Variants in ADAMTS2 observed in about 807,000 individuals in gnomAD.
The protein encoded by ADAMTS2 is A disintegrin and metalloproteinase with thrombospondin motifs 2.
A neutral mutation model predicts 123.0 loss-of-function variants in ADAMTS2; 50 were observed. That is an observed-to-expected ratio of 0.41 (90% CI 0.32 to 0.51). The LOEUF (loss-of-function observed/expected upper bound fraction) is 0.51, where lower values mean the gene tolerates loss of function less well. ADAMTS2 is among the 20% of genes least tolerant of loss of function. ADAMTS2 has a pLI of 0.35. For missense variants in ADAMTS2, 1,494 were observed against 1,705.2 expected (o/e 0.88, Z 2.18); for synonymous variants, 678 against 695.4 (o/e 0.98, Z 0.39).
At chr5:179,165,388 T>C (rs929635739) in intron 5 of ADAMTS2, among the ~76,000 whole-genome samples, 3 of 152,206 alleles carry the variant, frequency 2.0e-5, no homozygotes, top group Non-Finnish European at 4.4e-5. Context: ...GAGGAGTCTT[T>C]CACCAGCTCG....
intron 5 of ADAMTS2, among the ~76,000 whole-genome samples, chr5:179,179,379 A>C (rs1432182744): frequency 1.3e-5 from 2 of 152,120 alleles, no homozygotes; most frequent in African/African-American, 2.4e-5. Context: ...TAGCTGTATA[A>C]AATTCACAAT....
At chr5:179,219,620 A>C (rs1765079315) in intron 3 of ADAMTS2, among the ~76,000 whole-genome samples, 2 of 152,194 alleles carry the variant, frequency 1.3e-5, no homozygotes, top group African/African-American at 4.8e-5. Context: ...GGTGCCCAGC[A>C]GAGGTGTGAG....
chr5:179,136,893 C>T (rs1325454061), intron 12 of ADAMTS2, among the ~76,000 whole-genome samples: 2 of 151,946 alleles, frequency 1.3e-5, no homozygotes, highest in Non-Finnish European at 2.9e-5. Flanking sequence ...TAGCTTGAAC[C>T]TGGGAGGCAG....
Position 179,113,662 on chromosome 5 carries a change from T to C in ADAMTS2, c.*205A>G, listed in dbSNP as rs1044812021. The C allele has an allele frequency of 1.6e-5, 10 of 611,546 alleles. No homozygotes were observed. The African/African-American group carries it at 1.8e-4, about 11-fold the overall frequency. The allele number at this position is 611,546 out of a possible 1,614,324, so 37.9% of individuals were successfully genotyped here. ...CACCTGACGCCACCACAGTATTTGG[T>C]CGCTCCTGGGCTGGGAAGCACACGT... On this transcript the variant is annotated 3_prime_UTR_variant, in exon 22 of 22. Transcript: ENST00000251582.
intron 3 of ADAMTS2, among the ~76,000 whole-genome samples, chr5:179,221,513 G>A (rs985288320): frequency 1.3e-5 from 2 of 152,176 alleles, no homozygotes; most frequent in African/African-American, 4.8e-5. Flanking sequence ...CAAGGAGCAG[G>A]AGTGACCGAG....
rs116152382 is a variant in ADAMTS2 at position 179,152,570 on chromosome 5, G to A, written c.1516-315C>T. 3.4e-3 allele frequency among the ~76,000 whole-genome samples: 523 copies of A among 152,272 alleles called. 5 individuals are homozygous for A. The highest frequency in any genetic ancestry group is 0.011 in the African/African-American group (477 of 41,574). The stretch of plus-strand genomic sequence containing the variant: ...GGTGGGCACCTGCTGACCCTTTGCC[G>A]TGGATTTCCCTCCTAAACCCTGGCG... On this transcript the variant is annotated intron_variant, in intron 9 of 21. Transcript: ENST00000251582.
At position 179,307,875 on chromosome 5, in the gene ADAMTS2, T is replaced by C. The variant is rs982088351; in HGVS notation, c.535-34811A>G. 6.6e-6 allele frequency among the ~76,000 whole-genome samples: 1 copy of C among 152,204 alleles called. No individual in the cohort carries two copies. The highest frequency in any genetic ancestry group is 2.4e-5 in the African/African-American group (1 of 41,454). ...ACACTGCCATCCTGTCCTATTTTTTTGTAACACCATTTCCCAATCATCGAC... is the reference window on the plus strand; with the variant it reads ...ACACTGCCATCCTGTCCTATTTTTTCGTAACACCATTTCCCAATCATCGAC... On this transcript the variant is annotated intron_variant, in intron 2 of 21. Coordinates refer to ENST00000251582, the MANE Select transcript of ADAMTS2 (RefSeq NM_014244.5). This position sits in a 1 kb window ranked among gnomAD's most constrained non-coding sequence, Gnocchi z 5.6.
intron 2 of ADAMTS2, among the ~76,000 whole-genome samples, chr5:179,326,497 A>G (rs1383854170): frequency 2.7e-4 from 1 of 3,750 alleles, no homozygotes. Flanking sequence ...CCCGCCCCCC[A>G]CTCCCATGCC....
At position 179,329,124 on chromosome 5, in the gene ADAMTS2, G is replaced by A. The variant is rs537600879; in HGVS notation, c.534+14643C>T. Among the ~76,000 whole-genome samples the A allele has an allele frequency of 2.4e-3, 361 of 152,148 alleles. 2 individuals are homozygous for A. Among genetic ancestry groups the A allele is most frequent in the East Asian group, 3.3e-3 (17 of 5,162 alleles). On this transcript the variant is annotated intron_variant, in intron 2 of 21. Transcript: ENST00000251582. ...GGGCGGATCACGAGGTCAGGAGATGGAGACCATCCTGGCTAACACGGTGAA... is the reference window on the plus strand; with the variant it reads ...GGGCGGATCACGAGGTCAGGAGATGAAGACCATCCTGGCTAACACGGTGAA...
intron 11 of ADAMTS2, among the ~76,000 whole-genome samples, chr5:179,138,280 G>C (rs910358815): frequency 2.0e-5 from 3 of 152,202 alleles, no homozygotes; most frequent in Non-Finnish European, 4.4e-5. Flanking sequence ...ACAGGAAGCT[G>C]TGATTGGGTG....
intron 3 of ADAMTS2, among the ~76,000 whole-genome samples, chr5:179,258,069 G>A (rs965282526): frequency 2.0e-5 from 3 of 152,064 alleles, no homozygotes; most frequent in Non-Finnish European, 2.9e-5. Context: ...CTGACCCCCA[G>A]GCTCCAGGCA....
rs543445882 is a variant in ADAMTS2 at position 179,142,303 on chromosome 5, C to T, written c.1630-2268G>A. 7.2e-4 allele frequency among the ~76,000 whole-genome samples: 109 copies of T among 152,280 alleles called. 1 individual carries two copies. The highest frequency in any genetic ancestry group is 3.7e-3 in the South Asian group (18 of 4,824). On this transcript the variant is annotated intron_variant, in intron 10 of 21. Coordinates refer to ENST00000251582, the MANE Select transcript of ADAMTS2 (RefSeq NM_014244.5). ...TATCTGAAATGCTCGGAACCAGAAG[C>T]GTTTGGAACCAGAAGTGTTTCGGAT...
Position 179,343,802 on chromosome 5 carries a change from C to T in ADAMTS2, c.499G>A (p.Ala167Thr), listed in dbSNP as rs1411629389. ...CAGTTGCTGAGCGCCACAGAGGAGGCTTCGGCTAGGCCGGCCACGTCTCCG... is the reference window on the plus strand; with the variant it reads ...CAGTTGCTGAGCGCCACAGAGGAGGTTTCGGCTAGGCCGGCCACGTCTCCG... The part of the protein sequence containing the change: ...YVGDVAGLAE[A>T]SSVALSNCDG... Residue 167 changes from alanine (A) to threonine (T), a missense_variant, in exon 2 of 22, where the codon GCC becomes ACC. Transcript: ENST00000251582. 4 of 1,611,628 alleles carry T rather than the reference C, an allele frequency of 2.5e-6. No homozygotes were observed. Among genetic ancestry groups the T allele is most frequent in the Non-Finnish European group, 3.4e-6 (4 of 1,179,640 alleles).
Position 179,317,693 on chromosome 5 carries a change from A to T in ADAMTS2, c.534+26074T>A, listed in dbSNP as rs951532184. Among the ~76,000 whole-genome samples, 2 of 152,220 alleles carry T rather than the reference A, an allele frequency of 1.3e-5. No homozygotes were observed. The highest frequency in any genetic ancestry group is 4.8e-5 in the African/African-American group (2 of 41,456). ...CCCACACAAACGCCCCCACATGTGC[A>T]TCGCATACATCACCCACACACACAC... On this transcript the variant is annotated intron_variant, in intron 2 of 21. Transcript: ENST00000251582. This position sits in a 1 kb window ranked among gnomAD's most constrained non-coding sequence, Gnocchi z 4.9.
chr5:179,196,470 G>A (rs1764433530), intron 4 of ADAMTS2, among the ~76,000 whole-genome samples: 1 of 152,190 alleles, frequency 6.6e-6, no homozygotes, highest in African/African-American at 2.4e-5. Flanking sequence ...TATTCTGCAT[G>A]CCCGGAAACC....
intron 3 of ADAMTS2, among the ~76,000 whole-genome samples, chr5:179,257,553 C>G (rs1766092334): frequency 6.6e-6 from 1 of 152,218 alleles, no homozygotes; most frequent in South Asian, 2.1e-4. Context: ...TGGGGCCCTG[C>G]GCCCTCCCCG....
intron 21 of ADAMTS2, among the ~76,000 whole-genome samples, chr5:179,119,955 C>T (rs183530864): frequency 3.3e-5 from 5 of 152,164 alleles, no homozygotes; most frequent in Admixed American, 6.6e-5. Context: ...GGTGTCTGCA[C>T]GGTTTGCTAT....
Position 179,113,663 on chromosome 5 carries a change from C to A in ADAMTS2, c.*204G>T, listed in dbSNP as rs926308506. The A allele has an allele frequency of 4.9e-6, 3 of 612,822 alleles. No individual in the cohort carries two copies. The highest frequency in any genetic ancestry group is 8.6e-6 in the Non-Finnish European group (3 of 349,352). 38.0% of individuals were successfully genotyped at this position (612,822 alleles called of 1,614,324 possible). A position where few individuals can be genotyped will look rare whatever the true frequency, so the allele number is the denominator to read the frequency against. On this transcript the variant is annotated 3_prime_UTR_variant, in exon 22 of 22. Coordinates refer to ENST00000251582, the MANE Select transcript of ADAMTS2 (RefSeq NM_014244.5). The stretch of plus-strand genomic sequence containing the variant: ...ACCTGACGCCACCACAGTATTTGGT[C>A]GCTCCTGGGCTGGGAAGCACACGTG...
At chr5:179,218,441 C>T (rs968151611) in intron 3 of ADAMTS2, among the ~76,000 whole-genome samples, 5 of 152,354 alleles carry the variant, frequency 3.3e-5, no homozygotes, top group East Asian at 3.9e-4. Context: ...TCTTTGGAGG[C>T]TCTGGGAAGC....
Sources: gnomAD v4.1 joint callset for allele counts (sites outside exome capture counted in the v4.1 genomes callset) on GRCh38, gnomAD v4.1.1 for gene constraint, Gnocchi (gnomAD v3.1) non-coding constraint, MANE v1.5 for transcripts, NCBI Gene and HGNC (gene_info 2026-07-23, HGNC 2026-07-21) for gene names.